LRPPRC: variants seen among roughly 807,000 people sequenced by gnomAD.
LRPPRC encodes the protein leucine rich pentatricopeptide repeat containing, also known as leucine-rich PPR motif-containing protein, mitochondrial.
Under a neutral mutation model 180.3 loss-of-function variants are expected in LRPPRC, and 120 were observed. The ratio of observed to expected loss-of-function variants is 0.67; its 90% CI spans 0.57 to 0.77. LRPPRC has a LOEUF of 0.77. Ranked by LOEUF, LRPPRC falls within the 30% of genes least tolerant of loss-of-function variation. The pLI, the probability that LRPPRC is intolerant of heterozygous loss-of-function variation, is 0.00. For missense variants in LRPPRC, 2,012 were observed against 1,657.2 expected (o/e 1.21, Z -3.72); for synonymous variants, 723 against 600.0 (o/e 1.21, Z -3.00).
intron 19 of LRPPRC, 120 bp from the exon 20 acceptor site, chr2:43,947,490 C>G (rs566481189): frequency 1.5e-6 from 1 of 676,286 alleles, no homozygotes; most frequent in Admixed American, 2.4e-5. Context: ...TAAATGCTAT[C>G]AGGGATATTA....
At chr2:43,919,822 T>C (rs1488728855) in intron 27 of LRPPRC, among the ~76,000 whole-genome samples, 2 of 152,140 alleles carry the variant, frequency 1.3e-5, no homozygotes, top group Non-Finnish European at 2.9e-5. Context: ...CTAGTATGTA[T>C]AAGAAATATC....
Position 43,887,139 on chromosome 2 carries a change from ATC to A in LRPPRC, c.*1459_*1460del, listed in dbSNP as rs1455764820. ...CTGGCTTAAGCAACAGAGCAAGACT[ATC>A]TCAAAAAAAAAAAAAAAAAAAAAGA... On this transcript the variant is annotated 3_prime_UTR_variant, in exon 38 of 38. Coordinates refer to ENST00000260665, the MANE Select transcript of LRPPRC (RefSeq NM_133259.4). 2 of 132,640 alleles carry A rather than the reference ATC, an allele frequency of 1.5e-5. No individual in the cohort carries two copies. Among genetic ancestry groups the A allele is most frequent in the Admixed American group, 7.7e-5 (1 of 13,000 alleles). 8.2% of individuals were successfully genotyped at this position (132,640 alleles called of 1,614,324 possible).
At chr2:43,963,944 A>T in intron 11 of LRPPRC, 1 of 562,192 alleles carries the variant, frequency 1.8e-6, no homozygotes, top group Non-Finnish European at 3.1e-6. Flanking sequence ...TGAAATTATA[A>T]GTATAAAGAA....
intron 25 of LRPPRC, among the ~76,000 whole-genome samples, chr2:43,928,169 C>G (rs12712899): frequency 0.59 from 89,588 of 152,094 alleles, 28,156 homozygotes; most frequent in East Asian, 0.98. Context: ...GTGCTTCAAA[C>G]CACAACTTTC....
rs572976146 is a variant in LRPPRC, at chr2:43,979,952, T to C, written c.347-4A>G. ...GCATGACTACCACCTAGGCCACCTG[T>C]GGAAAAAAGGTTAATGGATAACATT... On this transcript the variant is annotated splice_polypyrimidine_tract_variant and splice_region_variant and intron_variant, in intron 2 of 37. Transcript: ENST00000260665. The C allele has an allele frequency of 1.2e-6, 2 of 1,613,552 alleles. No individual in the cohort carries two copies. Among genetic ancestry groups the C allele is most frequent in the Non-Finnish European group, 1.7e-6 (2 of 1,179,622 alleles).
intron 25 of LRPPRC, among the ~76,000 whole-genome samples, chr2:43,928,183 A>T (rs1191893090): frequency 6.6e-6 from 1 of 152,248 alleles, no homozygotes; most frequent in Non-Finnish European, 1.5e-5. Flanking sequence ...AACTTTCTGC[A>T]GTTGCAATTC....
At chr2:43,992,453 G>A (rs1357865902) in intron 1 of LRPPRC, among the ~76,000 whole-genome samples, 1 of 152,170 alleles carries the variant, frequency 6.6e-6, no homozygotes, top group South Asian at 2.1e-4. Flanking sequence ...ACTCAGAAGA[G>A]TTGACGCTCC....
chr2:43,912,250 G>A (rs1671288193), intron 30 of LRPPRC, among the ~76,000 whole-genome samples, 182 bp downstream of exon 30: 1 of 152,032 alleles, frequency 6.6e-6, no homozygotes, highest in Admixed American at 6.6e-5. Context: ...GCCAGTAAAG[G>A]TGTTTTTTTT....
chr2:43,919,170 G>A (rs2105028611), intron 27 of LRPPRC, among the ~76,000 whole-genome samples: 1 of 152,212 alleles, frequency 6.6e-6, no homozygotes, highest in South Asian at 2.1e-4. Flanking sequence ...GATCTACGTT[G>A]TGAACTCCTT....
At chr2:43,905,863 TA>T in intron 30 of LRPPRC, 83 bp from the exon 31 acceptor site, 1 of 904,528 alleles carries the variant, frequency 1.1e-6, no homozygotes, top group Non-Finnish European at 1.9e-6. Flanking sequence ...GGTGAAATTA[TA>T]AAAACTACTG....
chr2:43,986,564 A>G (rs1402864412), intron 1 of LRPPRC, among the ~76,000 whole-genome samples: 1 of 152,236 alleles, frequency 6.6e-6, no homozygotes, highest in Non-Finnish European at 1.5e-5. Context: ...CATTATTAAT[A>G]GCTAATGTTT....
rs142329013 is a variant in LRPPRC, at chr2:43,963,899, C to T, written c.1370-193G>A. The T allele has an allele frequency of 5.8e-4, 354 of 605,132 alleles. 4 individuals carry two copies. In the Middle Eastern group the frequency reaches 8.8e-3, roughly 15 times the overall value. The allele number at this position is 605,132 out of a possible 1,614,324, so 37.5% of individuals were successfully genotyped here. ...AATTAACTCCTCCTTTCTTCATCCCCCTCTGTGAAACAGTAAATTTCAAGA... is the reference window on the plus strand; with the variant it reads ...AATTAACTCCTCCTTTCTTCATCCCTCTCTGTGAAACAGTAAATTTCAAGA... On this transcript the variant is annotated intron_variant, in intron 11 of 37. Transcript: ENST00000260665.
chr2:43,889,314 CAAAAAAA>C lies in LRPPRC; in HGVS notation c.4128+413_4128+419del, dbSNP rs780032604. Among the ~76,000 whole-genome samples, 11 of 38,338 alleles carry C rather than the reference CAAAAAAA, an allele frequency of 2.9e-4. No homozygotes were observed. The East Asian group carries it at 5.6e-3, about 19-fold the overall frequency. 25.2% of individuals were successfully genotyped at this position (38,338 alleles called of 152,430 possible). On this transcript the variant is annotated intron_variant, in intron 37 of 37. Coordinates refer to ENST00000260665, the MANE Select transcript of LRPPRC (RefSeq NM_133259.4). ...TGGGCAACACAGCGAGACTCCATCT[CAAAAAAA>C]AAAAAAAAAAAAAAAAAAGGCAAAA...
chr2:43,919,516 T>C (rs1331980314), intron 27 of LRPPRC, among the ~76,000 whole-genome samples: 2 of 152,212 alleles, frequency 1.3e-5, no homozygotes, highest in African/African-American at 4.8e-5. Flanking sequence ...CAACTGATAA[T>C]GTTATCAGAC....
intron 36 of LRPPRC, 63 bp from the exon 37 acceptor site, chr2:43,889,939 A>G: frequency 1.6e-6 from 2 of 1,244,066 alleles, no homozygotes; most frequent in South Asian, 1.2e-5. Flanking sequence ...TCTTTTCACC[A>G]AAACAGCCAC....
At chr2:43,906,590 G>A (rs1048254115) in intron 30 of LRPPRC, among the ~76,000 whole-genome samples, 3 of 152,198 alleles carry the variant, frequency 2.0e-5, no homozygotes, top group African/African-American at 4.8e-5. Context: ...GTTCATCTCC[G>A]GATTAGAAAA....
rs1674389579 is a variant in LRPPRC at position 43,983,252 on chromosome 2, T to A, written c.150-818A>T. Among the ~76,000 whole-genome samples, 3 of 152,146 alleles carry A rather than the reference T, an allele frequency of 2.0e-5. No individual in the cohort carries two copies. The South Asian group carries it at 6.2e-4, about 31-fold the overall frequency. On this transcript the variant is annotated intron_variant, in intron 1 of 37. Coordinates refer to ENST00000260665, the MANE Select transcript of LRPPRC (RefSeq NM_133259.4). Reference sequence around the variant, plus strand: ...TTAGTAATGGAGTCTAATATGCAAGTCGAATGCTCTCTAACATGAAATCTG... The same window carrying A: ...TTAGTAATGGAGTCTAATATGCAAGACGAATGCTCTCTAACATGAAATCTG...
intron 27 of LRPPRC, among the ~76,000 whole-genome samples, chr2:43,920,440 C>T (rs892843183): frequency 4.6e-5 from 7 of 151,914 alleles, no homozygotes; most frequent in Non-Finnish European, 8.8e-5. Flanking sequence ...CCAGCTGCAG[C>T]CTAAACTTTC....
chr2:43,891,768 C>T (rs1266530701), intron 36 of LRPPRC, among the ~76,000 whole-genome samples: 1 of 152,058 alleles, frequency 6.6e-6, no homozygotes, highest in East Asian at 1.9e-4. Context: ...AAATCAGAAG[C>T]GAGAAATGAA....
Sources: gnomAD v4.1 joint callset for allele counts (sites outside exome capture counted in the v4.1 genomes callset) on GRCh38, gnomAD v4.1.1 for gene constraint, MANE v1.5 for transcripts, NCBI Gene and HGNC (gene_info 2026-07-23, HGNC 2026-07-21) for gene names.